TRMT1: variants seen among roughly 807,000 people sequenced by gnomAD.
TRMT1 encodes tRNA methyltransferase 1, also known as tRNA (guanine(26)-N(2))-dimethyltransferase.
TRMT1 carries 63 observed loss-of-function variants against 75.4 expected under a neutral mutation model. The ratio of observed to expected loss-of-function variants is 0.84; its 90% CI spans 0.68 to 1.03. The LOEUF (loss-of-function observed/expected upper bound fraction) is 1.03. TRMT1 is among the 50% of genes least tolerant of loss of function. TRMT1 has a pLI of 0.00. For missense variants in TRMT1, 870 were observed against 905.3 expected, an observed-to-expected ratio of 0.96 and a Z score of 0.50; for synonymous variants, 382 against 358.1, an observed-to-expected ratio of 1.07 and a Z score of -0.75.
chr19:13,105,559 C>T lies in TRMT1; in HGVS notation c.1631G>A (p.Arg544Gln), dbSNP rs1422482693. 7 of 1,613,956 alleles carry T rather than the reference C, an allele frequency of 4.3e-6. No homozygotes were observed. Among genetic ancestry groups the T allele is most frequent in the East Asian group, 2.2e-5 (1 of 44,858 alleles). Residue 544 changes from arginine to glutamine, a missense_variant, in exon 15 of 17, where the codon CGA (arginine) becomes CAA (glutamine). Transcript: ENST00000357720. ...TIREDANPSS[R>Q]QRGLKRFQAN... Reference sequence around the variant, plus strand: ...CTGGAAGCGCTTGAGTCCTCGCTGTCGGGAGCTGGGGTTGGCATCTTCCCG... The same window carrying T: ...CTGGAAGCGCTTGAGTCCTCGCTGTTGGGAGCTGGGGTTGGCATCTTCCCG...
Position 13,110,226 on chromosome 19 carries a change from G to A in TRMT1, c.951C>T (p.Ser317=), listed in dbSNP as rs772734008. Residue 317 remains serine, a synonymous_variant, in exon 8 of 17, where the codon AGC becomes AGT. Transcript: ENST00000357720. The part of the protein sequence containing the change: ...QRFVVPLLSI[S]ADFYVRVFVR... ...CAAAAACACGCACGTAGAAGTCAGCGCTGATGCTGAGCAGCGGCACCACGA... is the reference window on the plus strand; with the variant it reads ...CAAAAACACGCACGTAGAAGTCAGCACTGATGCTGAGCAGCGGCACCACGA... The A allele has an allele frequency of 1.6e-5, 26 of 1,612,922 alleles. No homozygotes were observed. The highest frequency in any genetic ancestry group is 6.7e-5 in the Admixed American group (4 of 60,002).
rs1294950181 is a variant in TRMT1, at chr19:13,110,147, C to T, written c.1019+11G>A. On this transcript the variant is annotated intron_variant, in intron 8 of 16. Coordinates refer to ENST00000357720, the MANE Select transcript of TRMT1 (RefSeq NM_001136035.4). The stretch of plus-strand genomic sequence containing the variant: ...TCTCAATCCACCACCGCTCTCTGCC[C>T]CCGGGCTGACCTGGCTGAGGCCTTG... The T allele has an allele frequency of 1.9e-6, 3 of 1,611,832 alleles. No individual in the cohort carries two copies. Among genetic ancestry groups the T allele is most frequent in the African/African-American group, 1.3e-5 (1 of 74,880 alleles).
rs1599941759 is a variant in TRMT1, at chr19:13,109,990, A to G, written c.1031T>C (p.Leu344Pro). 6.2e-6 allele frequency: 10 copies of G among 1,613,450 alleles called. No individual in the cohort carries two copies. Among genetic ancestry groups the G allele is most frequent in the Non-Finnish European group, 8.5e-6 (10 of 1,179,920 alleles). Residue 344 changes from leucine to proline, a missense_variant, in exon 9 of 17, where the codon CTG becomes CCG. Physicochemically the swap from Leu to Pro is moderately conservative, Grantham distance 98. Coordinates refer to ENST00000357720, the MANE Select transcript of TRMT1 (RefSeq NM_001136035.4). The part of the protein sequence containing the change: ...KVKASASKQA[L>P]VFQCVGCGAF... ...CCCGCAGCCCACACACTGGAACACC[A>G]GCGCCTGCTTGCTGTGGGGGGTACC... is the stretch of plus-strand genomic sequence containing the variant.
At position 13,114,776 on chromosome 19, in the gene TRMT1, G is replaced by C. The variant is rs570220107; in HGVS notation, c.641+503C>G. Among the ~76,000 whole-genome samples, 4 of 152,362 alleles carry C rather than the reference G, an allele frequency of 2.6e-5. No individual in the cohort carries two copies. The East Asian group carries it at 7.7e-4, about 29-fold the overall frequency. ...GAATGGCTTGAACCCGGGAGGCGGA[G>C]GTTGCAATGAGCTGAGATCGTGCCA... On this transcript the variant is annotated intron_variant, in intron 5 of 16. Transcript: ENST00000357720.
At chr19:13,115,952 A>C (rs1420553443) in intron 3 of TRMT1, 45 bp downstream of exon 3, 2 of 1,613,604 alleles carry the variant, frequency 1.2e-6, no homozygotes, top group Non-Finnish European at 1.7e-6. Flanking sequence ...CAGGGAGATA[A>C]ACTTGTGTGA....
intron 5 of TRMT1, among the ~76,000 whole-genome samples, chr19:13,113,564 T>C (rs1599953884): frequency 6.6e-6 from 1 of 152,134 alleles, no homozygotes; most frequent in Non-Finnish European, 1.5e-5. Flanking sequence ...ATAAGACGTA[T>C]CTGCCTGACA....
chr19:13,110,652 G>A (rs1459835052), intron 7 of TRMT1, among the ~76,000 whole-genome samples: 1 of 152,236 alleles, frequency 6.6e-6, no homozygotes, highest in Non-Finnish European at 1.5e-5. Context: ...GCAGGAAGTG[G>A]GGATACTAGG....
chr19:13,109,482 G>C lies in TRMT1; in HGVS notation c.1312-16C>G, dbSNP rs770519757. ...CCGGGAGCTCCTGCGATGGGGGACA[G>C]GATGGGCATGAGTGGAGATGGACGG... On this transcript the variant is annotated splice_polypyrimidine_tract_variant and intron_variant, in intron 11 of 16. Coordinates refer to ENST00000357720, the MANE Select transcript of TRMT1 (RefSeq NM_001136035.4). 4 of 1,614,058 alleles carry C rather than the reference G, an allele frequency of 2.5e-6. No homozygotes were observed. In the Admixed American group the frequency reaches 6.7e-5, roughly 27 times the overall value.
intron 7 of TRMT1, among the ~76,000 whole-genome samples, chr19:13,111,303 T>C (rs1401597428): frequency 6.6e-6 from 1 of 152,044 alleles, no homozygotes; most frequent in Non-Finnish European, 1.5e-5. Flanking sequence ...CCGAAAGTGC[T>C]AGGATTACAG....
chr19:13,106,824 T>A (rs1429136713), intron 14 of TRMT1, among the ~76,000 whole-genome samples: 1 of 149,152 alleles, frequency 6.7e-6, no homozygotes, highest in Non-Finnish European at 1.5e-5. Flanking sequence ...TTTATTTATT[T>A]ATTTATTTAT....
chr19:13,115,367 C>T lies in TRMT1; in HGVS notation c.553G>A (p.Ala185Thr). ...PGLRSVVAND[A>T]STRAVDLIRR... is the part of the protein sequence containing the mutation. The stretch of plus-strand genomic sequence containing the variant: ...ATGAGATCCACAGCCCGGGTGGAGG[C>T]ATCGTTTGCAACCACAGATCTGAGC... Residue 185 changes from alanine to threonine, a missense_variant, in exon 5 of 17, where the codon GCC becomes ACC. Ala to Thr is a moderately conservative substitution (Grantham distance 58). Coordinates refer to ENST00000357720, the MANE Select transcript of TRMT1 (RefSeq NM_001136035.4). The T allele has an allele frequency of 6.2e-7, 1 of 1,614,100 alleles. No homozygotes were observed. The highest frequency in any genetic ancestry group is 1.1e-5 in the South Asian group (1 of 91,078).
At chr19:13,106,428 T>C (rs1377997926) in intron 14 of TRMT1, among the ~76,000 whole-genome samples, 3 of 152,144 alleles carry the variant, frequency 2.0e-5, no homozygotes, top group Non-Finnish European at 4.4e-5. Context: ...GTGCTGGGAA[T>C]AGACAGTGAA....
At position 13,110,267 on chromosome 19, in the gene TRMT1, T is replaced by C. The variant is rs148910055; in HGVS notation, c.910A>G (p.Asn304Asp). ...IVLHSLDLRA[N>D]CYQRFVVPLL... ...GGCACCACGAAGCGCTGGTAGCAGT[T>C]GGCGCGGAGGTCCAGGCTGTGCAGG... The change falls in exon 8 of 17, where the codon AAC becomes GAC. Residue 304 changes from asparagine (N) to aspartate (D), a missense_variant. Physicochemically the swap from Asn to Asp is conservative, Grantham distance 23. Coordinates refer to ENST00000357720, the MANE Select transcript of TRMT1 (RefSeq NM_001136035.4). 5 of 1,567,602 alleles carry C rather than the reference T, an allele frequency of 3.2e-6. No homozygotes were observed. In the African/African-American group the frequency reaches 4.1e-5, roughly 13 times the overall value.
chr19:13,107,642 T>A lies in TRMT1; in HGVS notation c.1515A>T (p.Glu505Asp), dbSNP rs114542979. The part of the protein sequence containing the change: ...LWDIMRCWEK[E>D]CPVKRERLSE... ...ATAGTCGCTCCCGTTTCACCGGACA[T>A]TCCTTCTCCTGGGGGCAGAGGTCAG... The change falls in exon 14 of 17, where the codon GAA (glutamate) becomes GAT (aspartate). Residue 505 changes from glutamate to aspartate, a missense_variant. Physicochemically the swap from Glu to Asp is conservative, Grantham distance 45 (BLOSUM62 2). Transcript: ENST00000357720. 2.2e-4 allele frequency: 350 copies of A among 1,606,566 alleles called. 1 individual carries two copies. The African/African-American group carries it at 4.1e-3, about 19-fold the overall frequency.
chr19:13,112,863 C>T, intron 6 of TRMT1, 33 bp downstream of exon 6: 1 of 1,613,188 alleles, frequency 6.2e-7, no homozygotes, highest in Non-Finnish European at 8.5e-7. Flanking sequence ...CACCCCAAGC[C>T]CTGCTCCCAC....
chr19:13,116,052 T>TC lies in TRMT1; in HGVS notation c.255-1dup (p.Cys86MetfsTer43). 1 of 1,613,956 alleles carries TC rather than the reference T, an allele frequency of 6.2e-7. No individual in the cohort carries two copies. Among genetic ancestry groups the TC allele is most frequent in the South Asian group, 1.1e-5 (1 of 91,078 alleles). On this transcript the variant is annotated frameshift_variant and splice_region_variant. Transcript: ENST00000357720. LOFTEE classifies it high-confidence loss of function. ...GAGCAAACTCGGTGATCACAGCACA[T>TC]CTGGTGGGAGACAGAGGACTAGCTC...
intron 12 of TRMT1, 55 bp downstream of exon 12, chr19:13,109,326 C>T: frequency 1.9e-6 from 3 of 1,600,252 alleles, no homozygotes; most frequent in African/African-American, 1.3e-5. Flanking sequence ...CCTGGACTTG[C>T]CCCAGGCCAC....
At chr19:13,106,540 C>T (rs1476072988) in intron 14 of TRMT1, among the ~76,000 whole-genome samples, 3 of 152,168 alleles carry the variant, frequency 2.0e-5, no homozygotes, top group Non-Finnish European at 2.9e-5. Context: ...TGCAGTGGTG[C>T]GATCTCGGCT....
At chr19:13,111,325 T>A (rs373983192) in intron 7 of TRMT1, among the ~76,000 whole-genome samples, 4 of 151,572 alleles carry the variant, frequency 2.6e-5, no homozygotes, top group African/African-American at 7.3e-5. Context: ...CATGAGCCGC[T>A]GCACTTCGCC....
Sources: allele counts gnomAD v4.1 joint callset (sites outside exome capture counted in the v4.1 genomes callset), GRCh38; gene constraint gnomAD v4.1.1; transcripts MANE v1.5; gene names NCBI Gene and HGNC (gene_info 2026-07-23, HGNC 2026-07-21).